TNIK: variants seen among roughly 807,000 people sequenced by gnomAD.
The protein encoded by TNIK is TRAF2 and NCK-interacting protein kinase.
A neutral mutation model predicts 191.3 loss-of-function variants in TNIK; 49 were observed. That is an observed-to-expected ratio of 0.26 (90% CI 0.20 to 0.32). The LOEUF is 0.32. TNIK is among the 10% of genes least tolerant of loss of function. TNIK has a pLI of 1.00. For synonymous variants in TNIK, 594 were observed against 600.9 expected (o/e 0.99, Z 0.17); for missense variants, 1,155 against 1,702.3 (o/e 0.68, Z 5.66).
At chr3:171,439,111 G>A (rs1050050426) in intron 1 of TNIK, among the ~76,000 whole-genome samples, 4 of 152,134 alleles carry the variant, frequency 2.6e-5, no homozygotes, top group East Asian at 1.9e-4. Context: ...TTGGGAGGCC[G>A]AGGCAGGCGG....
At chr3:171,228,688 A>G (rs1260602462) in intron 2 of TNIK, among the ~76,000 whole-genome samples, 1 of 152,190 alleles carries the variant, frequency 6.6e-6, no homozygotes, top group Non-Finnish European at 1.5e-5. Context: ...ATTTATCTTT[A>G]TCTTAAAAGG....
intron 2 of TNIK, among the ~76,000 whole-genome samples, chr3:171,308,278 A>G (rs1327071913): frequency 6.6e-6 from 1 of 152,174 alleles, no homozygotes; most frequent in Non-Finnish European, 1.5e-5. Context: ...ACACACGCCT[A>G]CAACCACCTG....
In TNIK at chr3:171,365,161, C is replaced by CTTTTTTTTT. The variant is rs60887361; in HGVS notation, c.123+4450_123+4458dup. ...AAGGACTACACAAAAGGACTACATT[C>CTTTTTTTTT]TTTTTTTTTTTTTTTTTTTTTTTTT... On this transcript the variant is annotated intron_variant, in intron 2 of 32. Transcript: ENST00000436636. 2.6e-3 allele frequency among the ~76,000 whole-genome samples: 82 copies of CTTTTTTTTT among 31,934 alleles called. 21 individuals carry two copies. The highest frequency in any genetic ancestry group is 3.8e-3 in the Non-Finnish European group (59 of 15,446). The allele number at this position is 31,934 out of a possible 152,430, so 20.9% of individuals were successfully genotyped here.
chr3:171,230,585 C>T (rs1743500419), intron 2 of TNIK, among the ~76,000 whole-genome samples: 1 of 152,110 alleles, frequency 6.6e-6, no homozygotes, highest in Non-Finnish European at 1.5e-5. Context: ...ACTGTTTGCG[C>T]TTCTGTAAAT....
In TNIK at chr3:171,110,864, G is replaced by A. The variant is rs779578721; in HGVS notation, c.2134C>T (p.Arg712Trp). The A allele has an allele frequency of 1.5e-5, 24 of 1,602,398 alleles. No homozygotes were observed. The highest frequency in any genetic ancestry group is 2.3e-5 in the South Asian group (2 of 88,004). Residue 712 changes from arginine to tryptophan, a missense_variant, in exon 19 of 33, where the codon CGG (arginine) becomes TGG (tryptophan). Physicochemically the swap from Arg to Trp is moderately radical, Grantham distance 101 (BLOSUM62 -3). Around this residue, in one of 3 missense-constraint regions of TNIK, gnomAD observed 735 missense variants for 848.0 expected, o/e 0.87. Coordinates refer to ENST00000436636, the MANE Select transcript of TNIK (RefSeq NM_015028.4). The stretch of plus-strand genomic sequence containing the variant: ...CTCTCCAAGATGGGCTCAGTTCTCC[G>A]GAGATCAGGGTTGCTGTGTGAGTGA... Reference protein sequence around the residue: ...QPIRASNPDLRRTEPILESPL... With the variant: ...QPIRASNPDLWRTEPILESPL...
At chr3:171,367,477 G>T (rs1049568573) in intron 2 of TNIK, among the ~76,000 whole-genome samples, 16 of 143,428 alleles carry the variant, frequency 1.1e-4, no homozygotes, top group Admixed American at 3.4e-4. Flanking sequence ...TTTTTTTGGG[G>T]GGGGGGGGAG....
chr3:171,064,597 A>G (rs1718189508), intron 32 of TNIK, among the ~76,000 whole-genome samples: 1 of 152,242 alleles, frequency 6.6e-6, no homozygotes, highest in African/African-American at 2.4e-5. Context: ...AAATGAGATC[A>G]TAGCATTAAT....
intron 15 of TNIK, among the ~76,000 whole-genome samples, chr3:171,131,481 GCTTT>G (rs947469696): frequency 2.0e-5 from 3 of 148,536 alleles, no homozygotes; most frequent in African/African-American, 7.4e-5. Context: ...AATTTCTTAT[GCTTT>G]CTAACAGTTT....
intron 12 of TNIK, among the ~76,000 whole-genome samples, chr3:171,143,168 G>T (rs1731084920): frequency 6.6e-6 from 1 of 152,212 alleles, no homozygotes; most frequent in Non-Finnish European, 1.5e-5. Context: ...CAGGGCTTTG[G>T]TTCCTGTGGT....
intron 2 of TNIK, among the ~76,000 whole-genome samples, chr3:171,348,972 A>G (rs1258877023): frequency 6.6e-6 from 1 of 152,082 alleles, no homozygotes; most frequent in Non-Finnish European, 1.5e-5. Context: ...AGTAAATAAA[A>G]TACTTTAATG....
chr3:171,155,536 C>CGTCA (rs1440429677), intron 12 of TNIK, among the ~76,000 whole-genome samples: 1 of 152,242 alleles, frequency 6.6e-6, no homozygotes, highest in African/African-American at 2.4e-5. Flanking sequence ...TGCTGGCTGA[C>CGTCA]GTCTTCTGTG....
chr3:171,405,001 T>C (rs1476348964), intron 1 of TNIK, among the ~76,000 whole-genome samples: 1 of 152,202 alleles, frequency 6.6e-6, no homozygotes, highest in Non-Finnish European at 1.5e-5. Context: ...ATGGTACACT[T>C]TGAAAATCAA....
intron 2 of TNIK, among the ~76,000 whole-genome samples, chr3:171,259,138 A>ATG (rs1161923323): frequency 6.6e-6 from 1 of 152,058 alleles, no homozygotes; most frequent in African/African-American, 2.4e-5. Flanking sequence ...GAGAGAGTGT[A>ATG]TGTGTGTGTG....
intron 1 of TNIK, among the ~76,000 whole-genome samples, chr3:171,418,535 A>G (rs1350411822): frequency 2.0e-5 from 3 of 152,224 alleles, no homozygotes; most frequent in African/African-American, 4.8e-5. Flanking sequence ...ATACTCATAC[A>G]TGCTACTACA....
intron 9 of TNIK, among the ~76,000 whole-genome samples, chr3:171,170,043 C>T (rs1221691578): frequency 2.6e-5 from 4 of 152,130 alleles, no homozygotes; most frequent in Non-Finnish European, 5.9e-5. Context: ...AACACTTCAC[C>T]TATGTTGAAT....
At chr3:171,078,505 C>T (rs966485790) in intron 28 of TNIK, among the ~76,000 whole-genome samples, 3 of 151,266 alleles carry the variant, frequency 2.0e-5, no homozygotes, top group African/African-American at 7.3e-5. Context: ...CAGCCCTTTT[C>T]TTGTTTTATA....
Position 171,283,866 on chromosome 3 carries a change from T to C in TNIK, c.124-55645A>G, listed in dbSNP as rs577668692. On this transcript the variant is annotated intron_variant, in intron 2 of 32. Coordinates refer to ENST00000436636, the MANE Select transcript of TNIK (RefSeq NM_015028.4). The stretch of plus-strand genomic sequence containing the variant: ...TCAGAACTACTTCGAGGGTACTGTC[T>C]CTCAGCCATCTTCCAGGTTTTCCAC... Among the ~76,000 whole-genome samples, 6 of 152,316 alleles carry C rather than the reference T, an allele frequency of 3.9e-5. No homozygotes were observed. The South Asian group carries it at 6.2e-4, about 16-fold the overall frequency.
intron 2 of TNIK, among the ~76,000 whole-genome samples, chr3:171,234,861 A>G (rs1043055294): frequency 2.6e-5 from 4 of 152,338 alleles, no homozygotes; most frequent in African/African-American, 9.6e-5. Flanking sequence ...ACTCAAAAGC[A>G]GACGAGCCAG....
At chr3:171,081,866 C>T (rs1203064135) in intron 27 of TNIK, among the ~76,000 whole-genome samples, 1 of 151,954 alleles carries the variant, frequency 6.6e-6, no homozygotes, top group East Asian at 1.9e-4. Flanking sequence ...AGGGAAGAGA[C>T]CAAGAAATTT....
Sources: gnomAD v4.1 joint callset for allele counts (sites outside exome capture counted in the v4.1 genomes callset) on GRCh38, gnomAD v4.1.1 for gene constraint, gnomAD v4.1.1 regional missense constraint, MANE v1.5 for transcripts, NCBI Gene and HGNC (gene_info 2026-07-23, HGNC 2026-07-21) for gene names.